The following MLLT10 variants were observed in gnomAD, a reference collection of about 807,000 sequenced individuals.
The protein encoded by MLLT10 is MLLT10 histone lysine methyltransferase DOT1L cofactor.
MLLT10 carries 30 observed loss-of-function variants against 129.1 expected under a neutral mutation model. The observed-to-expected ratio is 0.23, with a 90% CI of 0.17 to 0.32. The LOEUF (loss-of-function observed/expected upper bound fraction) is 0.32, where lower values mean the gene tolerates loss of function less well. Among genes scored for constraint, MLLT10 ranks in the 10% least tolerant of loss-of-function variants. MLLT10 has a pLI of 1.00. For missense variants in MLLT10, 1,119 were observed against 1,268.3 expected (o/e 0.88, Z 1.79); for synonymous variants, 490 against 446.4 (o/e 1.10, Z -1.23).
At chr10:21,651,899 ATTTCT>A in intron 9 of MLLT10, 131 bp downstream of exon 9, 3 of 184,738 alleles carry the variant, frequency 1.6e-5, no homozygotes, top group African/African-American at 4.0e-5. Context: ...TAGAATTCTC[ATTTCT>A]TTTTTTTTTT....
intron 14 of MLLT10, among the ~76,000 whole-genome samples, chr10:21,724,115 A>G (rs1292227519): frequency 6.6e-6 from 1 of 152,210 alleles, no homozygotes; most frequent in Admixed American, 6.5e-5. Context: ...GGGACAGTTG[A>G]TTGTTAAACA....
chr10:21,585,866 A>G (rs866027268), intron 3 of MLLT10, among the ~76,000 whole-genome samples: 5 of 152,302 alleles, frequency 3.3e-5, no homozygotes, highest in Middle Eastern at 6.8e-3. Flanking sequence ...GATTCAAGCA[A>G]TTCTCCTGCC....
intron 13 of MLLT10, among the ~76,000 whole-genome samples, chr10:21,708,382 T>C (rs1165238250): frequency 3.3e-5 from 5 of 152,192 alleles, no homozygotes; most frequent in Admixed American, 1.3e-4. Flanking sequence ...TGACTTAAGA[T>C]GAAAATAGAG....
At chr10:21,626,659 C>T (rs1347291434) in intron 8 of MLLT10, among the ~76,000 whole-genome samples, 1 of 152,208 alleles carries the variant, frequency 6.6e-6, no homozygotes, top group African/African-American at 2.4e-5. Flanking sequence ...GGATTACTCA[C>T]CTCTTTGAAG....
At chr10:21,625,582 TTTC>T in intron 8 of MLLT10, 1 of 760,054 alleles carries the variant, frequency 1.3e-6, no homozygotes, top group Non-Finnish European at 2.5e-6. Context: ...AGAACCCCCA[TTTC>T]TTCTTTTTGT....
rs1421170140 is a variant in MLLT10 at position 21,674,060 on chromosome 10, A to T, written c.1621+141A>T. 1.6e-5 allele frequency: 11 copies of T among 681,402 alleles called. No homozygotes were observed. The East Asian group carries it at 3.3e-4, about 21-fold the overall frequency. 42.2% of individuals were successfully genotyped at this position (681,402 alleles called of 1,614,324 possible). ...ATTAAAGTGAAATTTCTCAGTTTTT[A>T]AATTTTCTAATGGAAAATACAAAAA... On this transcript the variant is annotated intron_variant, in intron 11 of 22. Coordinates refer to ENST00000307729, the MANE Select transcript of MLLT10 (RefSeq NM_001195626.3).
In MLLT10 at chr10:21,735,809, T is replaced by TGGGA. The variant is rs112317940; in HGVS notation, c.2955+576_2955+579dup. Among the ~76,000 whole-genome samples, 647 of 152,098 alleles carry TGGGA rather than the reference T, an allele frequency of 4.3e-3. 9 individuals carry two copies. The highest frequency in any genetic ancestry group is 0.015 in the African/African-American group (617 of 41,478). ...AGTCAGCAGCCATGTGGTCAGAGGG[T>TGGGA]GGGAGAGGTCAGAGCCAAGGGGGTG... is the stretch of plus-strand genomic sequence containing the variant. On this transcript the variant is annotated intron_variant, in intron 21 of 22. Coordinates refer to ENST00000307729, the MANE Select transcript of MLLT10 (RefSeq NM_001195626.3).
intron 8 of MLLT10, among the ~76,000 whole-genome samples, chr10:21,649,812 C>T (rs891585568): frequency 8.5e-5 from 13 of 152,138 alleles, no homozygotes; most frequent in Admixed American, 7.2e-4. Context: ...TCTGCCACAT[C>T]CTGTTGAGTA....
intron 13 of MLLT10, among the ~76,000 whole-genome samples, chr10:21,696,268 A>G (rs2054351720): frequency 6.6e-6 from 1 of 151,230 alleles, no homozygotes; most frequent in South Asian, 2.1e-4. Context: ...ACCCCTAGAC[A>G]TTTCCTTTGC....
chr10:21,607,682 A>G (rs2044198868), intron 5 of MLLT10, among the ~76,000 whole-genome samples: 2 of 152,188 alleles, frequency 1.3e-5, no homozygotes, highest in Admixed American at 6.5e-5. Context: ...TCACATTTGT[A>G]TATGTTACAG....
Position 21,742,128 on chromosome 10 carries a change from T to A in MLLT10, c.*145T>A, listed in dbSNP as rs1036912010. On this transcript the variant is annotated 3_prime_UTR_variant, in exon 23 of 23. Coordinates refer to ENST00000307729, the MANE Select transcript of MLLT10 (RefSeq NM_001195626.3). ...GGATTAATTGCTGCAAGGACATTCT[T>A]GTAAGGCTTTGATTAGTTTTCTTGT... is the stretch of plus-strand genomic sequence containing the variant. 1 of 693,820 alleles carries A rather than the reference T, an allele frequency of 1.4e-6. No individual in the cohort carries two copies. The highest frequency in any genetic ancestry group is 2.4e-6 in the Non-Finnish European group (1 of 420,500). The allele number at this position is 693,820 out of a possible 1,614,324, so 43.0% of individuals were successfully genotyped here.
At chr10:21,568,122 T>TG (rs1432432602) in intron 3 of MLLT10, among the ~76,000 whole-genome samples, 9 of 152,106 alleles carry the variant, frequency 5.9e-5, no homozygotes, top group African/African-American at 2.2e-4. Context: ...CCGGCCTTGT[T>TG]GGGGGTTCTT....
At chr10:21,700,922 C>T (rs1002913982) in intron 13 of MLLT10, among the ~76,000 whole-genome samples, 5 of 152,100 alleles carry the variant, frequency 3.3e-5, no homozygotes, top group Non-Finnish European at 5.9e-5. Flanking sequence ...CCTTTGTATA[C>T]ATTTGGTAGA....
At chr10:21,629,852 G>A (rs1363719343) in intron 8 of MLLT10, among the ~76,000 whole-genome samples, 2 of 152,176 alleles carry the variant, frequency 1.3e-5, no homozygotes, top group African/African-American at 4.8e-5. Flanking sequence ...AGTCCCAGCT[G>A]CTGGAGCGCT....
intron 3 of MLLT10, among the ~76,000 whole-genome samples, chr10:21,546,278 A>G (rs1476502036): frequency 1.3e-5 from 2 of 152,022 alleles, no homozygotes; most frequent in Non-Finnish European, 2.9e-5. Flanking sequence ...GGGTTTCACA[A>G]TGTTGCTCAG....
chr10:21,584,869 C>CGTGT (rs149130337), intron 3 of MLLT10, among the ~76,000 whole-genome samples: 1 of 148,350 alleles, frequency 6.7e-6, no homozygotes, highest in African/African-American at 2.5e-5. Context: ...TGTGTATGTA[C>CGTGT]GTGTGTGTGT....
At chr10:21,553,657 T>C (rs2037443132) in intron 3 of MLLT10, among the ~76,000 whole-genome samples, 1 of 135,510 alleles carries the variant, frequency 7.4e-6, no homozygotes, top group African/African-American at 3.1e-5. Context: ...TTTCCTTTTC[T>C]TTTTTTTTTT....
At chr10:21,737,925 G>A (rs2058508516) in intron 21 of MLLT10, among the ~76,000 whole-genome samples, 1 of 152,102 alleles carries the variant, frequency 6.6e-6, no homozygotes, top group South Asian at 2.1e-4. Flanking sequence ...ATCATTTTCA[G>A]TCTGTTTTTA....
At position 21,673,615 on chromosome 10, in the gene MLLT10, T is replaced by G. The variant is rs2051743182; in HGVS notation, c.1317T>G (p.Asp439Glu). ...AAAGCTTTGAAAATTCACCTGGAGATTTGGGTAATTCCAGCCTTCCTACAG... is the reference window on the plus strand; with the variant it reads ...AAAGCTTTGAAAATTCACCTGGAGAGTTGGGTAATTCCAGCCTTCCTACAG... ...QPKSFENSPG[D>E]LGNSSLPTAG... The change falls in exon 11 of 23, where the codon GAT (aspartate) becomes GAG (glutamate). Residue 439 changes from aspartate to glutamate, a missense_variant. Coordinates refer to ENST00000307729, the MANE Select transcript of MLLT10 (RefSeq NM_001195626.3). The G allele has an allele frequency of 3.1e-6, 5 of 1,613,638 alleles. No homozygotes were observed. Among genetic ancestry groups the G allele is most frequent in the Non-Finnish European group, 4.2e-6 (5 of 1,179,924 alleles).
Sources: allele counts gnomAD v4.1 joint callset (sites outside exome capture counted in the v4.1 genomes callset), GRCh38; gene constraint gnomAD v4.1.1; transcripts MANE v1.5; gene names NCBI Gene and HGNC (gene_info 2026-07-23, HGNC 2026-07-21).